Variants in HTR2C observed in about 807,000 individuals in gnomAD.
The protein encoded by HTR2C is 5-hydroxytryptamine receptor 2C, also known as 5-hydroxytryptamine (serotonin) receptor 2C, G protein-coupled.
HTR2C carries 5 observed loss-of-function variants against 21.0 expected under a neutral mutation model. The ratio of observed to expected loss-of-function variants is 0.24; its 90% CI spans 0.12 to 0.50. The LOEUF (loss-of-function observed/expected upper bound fraction) is 0.50. Among genes scored for constraint, HTR2C ranks in the 20% least tolerant of loss-of-function variants. HTR2C has a pLI of 0.98. For missense variants in HTR2C, 271 were observed against 371.2 expected (o/e 0.73, Z 2.22); for synonymous variants, 150 against 145.3 (o/e 1.03, Z -0.23).
chrX:114,854,404 A>T (rs1556470263), intron 5 of HTR2C, among the ~76,000 whole-genome samples: 1 of 111,604 alleles, frequency 9.0e-6, no homozygotes, highest in Admixed American at 9.6e-5. Context: ...ACATTGTTTT[A>T]GTTTTTTCTT....
At chrX:114,698,939 A>C (rs1200901966) in intron 2 of HTR2C, among the ~76,000 whole-genome samples, 1 of 111,626 alleles carries the variant, frequency 9.0e-6, no homozygotes, top group Non-Finnish European at 1.9e-5. Context: ...TCACCAGTAT[A>C]AATGATCACT....
intron 5 of HTR2C, among the ~76,000 whole-genome samples, chrX:114,859,458 A>C (rs190337006): frequency 9.8e-4 from 109 of 111,325 alleles, no homozygotes; most frequent in Non-Finnish European, 1.6e-3. Context: ...TGTAATTGTC[A>C]AAGAATTTCT....
At chrX:114,797,175 C>T (rs1254915055) in intron 4 of HTR2C, among the ~76,000 whole-genome samples, 7 of 111,575 alleles carry the variant, frequency 6.3e-5, no homozygotes, top group African/African-American at 1.9e-4. Context: ...CTTTAGCTTA[C>T]TTTCATTATC....
At chrX:114,689,784 C>A (rs1012848747) in intron 2 of HTR2C, among the ~76,000 whole-genome samples, 3 of 111,350 alleles carry the variant, frequency 2.7e-5, no homozygotes, top group African/African-American at 6.5e-5. Flanking sequence ...AATTTTAATA[C>A]AACATTTAAT....
chrX:114,723,495 T>A (rs1602718884), intron 2 of HTR2C, among the ~76,000 whole-genome samples: 1 of 110,617 alleles, frequency 9.0e-6, no homozygotes, highest in Non-Finnish European at 1.9e-5. Context: ...TTTTGAAGGG[T>A]TTTTTGTGTC....
intron 5 of HTR2C, among the ~76,000 whole-genome samples, chrX:114,853,741 T>C (rs140815170): frequency 1.4e-3 from 159 of 111,929 alleles, no homozygotes; most frequent in African/African-American, 5.0e-3. Flanking sequence ...TAAATGCTAT[T>C]ACATAAATGT....
intron 5 of HTR2C, among the ~76,000 whole-genome samples, chrX:114,856,719 A>G (rs782627837): frequency 1.9e-4 from 21 of 111,485 alleles, no homozygotes; most frequent in African/African-American, 6.5e-4. Context: ...TTGAGATTTA[A>G]TAAAATTAAT....
chrX:114,625,272 T>C (rs1263907281), intron 2 of HTR2C, among the ~76,000 whole-genome samples: 1 of 110,836 alleles, frequency 9.0e-6, no homozygotes, highest in African/African-American at 3.3e-5. Flanking sequence ...TCTCTACTTA[T>C]AGTTTGGGTG....
At chrX:114,833,251 A>T (rs1440112403) in intron 4 of HTR2C, among the ~76,000 whole-genome samples, 39 of 102,041 alleles carry the variant, frequency 3.8e-4, no homozygotes, top group African/African-American at 7.3e-4. Context: ...TTTTCTATTG[A>T]TTGGAATAAT....
chrX:114,601,262 A>G (rs1556394241), intron 1 of HTR2C, among the ~76,000 whole-genome samples: 1 of 111,307 alleles, frequency 9.0e-6, no homozygotes, highest in African/African-American at 3.3e-5. Context: ...ATTGCCCCAG[A>G]TAACTTTTTT....
At chrX:114,768,316 A>C (rs1032492022) in intron 4 of HTR2C, among the ~76,000 whole-genome samples, 6 of 111,223 alleles carry the variant, frequency 5.4e-5, no homozygotes, top group Non-Finnish European at 9.5e-5. Flanking sequence ...GTATTTGTGA[A>C]TATTAAAAGC....
At chrX:114,904,233 TTC>T (rs782313888) in intron 5 of HTR2C, among the ~76,000 whole-genome samples, 7 of 111,542 alleles carry the variant, frequency 6.3e-5, no homozygotes, top group African/African-American at 2.3e-4. Flanking sequence ...TTATTAAACT[TTC>T]TGTTTCATAG....
At chrX:114,765,259 C>A in intron 4 of HTR2C, among the ~76,000 whole-genome samples, 1 of 110,531 alleles carries the variant, frequency 9.0e-6, no homozygotes, top group Admixed American at 9.8e-5. Context: ...ACTTCATGAA[C>A]TTTTCCCTCA....
chrX:114,703,586 T>C (rs1490055948), intron 2 of HTR2C, among the ~76,000 whole-genome samples: 3 of 111,867 alleles, frequency 2.7e-5, no homozygotes, highest in African/African-American at 6.5e-5. Flanking sequence ...TTTATAGCAC[T>C]AAATGCCCAC....
chrX:114,718,129 C>A (rs1270031504), intron 2 of HTR2C, among the ~76,000 whole-genome samples: 1 of 111,202 alleles, frequency 9.0e-6, no homozygotes, highest in African/African-American at 3.3e-5. Context: ...CTCAAGCCAT[C>A]CTCCCACCTC....
intron 4 of HTR2C, among the ~76,000 whole-genome samples, chrX:114,831,160 A>C (rs370237235): frequency 7.7e-4 from 74 of 96,526 alleles, no homozygotes; most frequent in African/African-American, 2.5e-3. Flanking sequence ...ATAAACATAC[A>C]TGTGCATGTG....
At chrX:114,893,424 C>A (rs1478922018) in intron 5 of HTR2C, among the ~76,000 whole-genome samples, 1 of 110,544 alleles carries the variant, frequency 9.0e-6, no homozygotes, top group Non-Finnish European at 1.9e-5. Context: ...ATCAGTTTTC[C>A]AAAAAAAGTG....
chrX:114,837,597 A>G (rs1200306640), intron 4 of HTR2C, among the ~76,000 whole-genome samples: 2 of 110,759 alleles, frequency 1.8e-5, no homozygotes, highest in Non-Finnish European at 3.8e-5. Context: ...TTAAACCTCT[A>G]GATTATTTTA....
At chrX:114,646,482 T>C (rs942073593) in intron 2 of HTR2C, among the ~76,000 whole-genome samples, 2 of 112,550 alleles carry the variant, frequency 1.8e-5, no homozygotes, top group African/African-American at 3.2e-5. Context: ...CTAAGATATA[T>C]ATGTTGCTAA....
Sources: gnomAD v4.1 joint callset for allele counts (sites outside exome capture counted in the v4.1 genomes callset) on GRCh38, gnomAD v4.1.1 for gene constraint, MANE v1.5 for transcripts, NCBI Gene and HGNC (gene_info 2026-07-23, HGNC 2026-07-21) for gene names.